ARMC8: variants seen among roughly 807,000 people sequenced by gnomAD.
ARMC8 encodes armadillo repeat-containing protein 8.
Under a neutral mutation model 99.3 loss-of-function variants are expected in ARMC8, and 20 were observed. That is an observed-to-expected ratio of 0.20 (90% CI 0.14 to 0.29). The LOEUF (loss-of-function observed/expected upper bound fraction) is 0.29, where lower values mean the gene tolerates loss of function less well. Among genes scored for constraint, ARMC8 ranks in the 10% least tolerant of loss-of-function variants. The pLI is 1.00. For synonymous variants in ARMC8, 263 were observed against 278.3 expected (o/e 0.95, Z 0.55); for missense variants, 569 against 809.5 (o/e 0.70, Z 3.60).
chr3:138,240,210 T>C (rs1338953055), intron 10 of ARMC8, among the ~76,000 whole-genome samples: 1 of 152,184 alleles, frequency 6.6e-6, no homozygotes, highest in Admixed American at 6.5e-5. Context: ...TACATTAAAA[T>C]GTCTTATTAG....
At chr3:138,210,074 A>G (rs1002984686) in intron 2 of ARMC8, among the ~76,000 whole-genome samples, 181 bp downstream of exon 2, 3 of 152,234 alleles carry the variant, frequency 2.0e-5, no homozygotes, top group South Asian at 4.1e-4. Flanking sequence ...TGTCTTTTGA[A>G]TAGTTGTTAA....
intron 3 of ARMC8, among the ~76,000 whole-genome samples, chr3:138,222,478 A>G (rs2045457097): frequency 6.6e-6 from 1 of 152,182 alleles, no homozygotes; most frequent in Non-Finnish European, 1.5e-5. Flanking sequence ...AGGAAGTTTA[A>G]TTTCTTCTTT....
chr3:138,274,809 A>G (rs2049120015), intron 18 of ARMC8, among the ~76,000 whole-genome samples: 1 of 152,176 alleles, frequency 6.6e-6, no homozygotes, highest in East Asian at 1.9e-4. Context: ...AGGAGCAGTC[A>G]CCTTTCATCA....
At position 138,237,678 on chromosome 3, in the gene ARMC8, A is replaced by G. The variant is rs922218803; in HGVS notation, c.776+106A>G. ...CTTCCAATCCCCATTTTATTTTGAG[A>G]TTTTGAAATTTGAAAGTCAGGAGTC... On this transcript the variant is annotated intron_variant, in intron 9 of 21. Coordinates refer to ENST00000469044, the MANE Select transcript of ARMC8 (RefSeq NM_001363941.2). 8.9e-6 allele frequency: 8 copies of G among 897,920 alleles called. No individual in the cohort carries two copies. In the East Asian group the frequency reaches 2.1e-4, roughly 24 times the overall value. The allele number at this position is 897,920 out of a possible 1,614,324, so 55.6% of individuals were successfully genotyped here.
At chr3:138,210,430 CA>C (rs1240824579) in intron 2 of ARMC8, among the ~76,000 whole-genome samples, 2 of 152,008 alleles carry the variant, frequency 1.3e-5, no homozygotes, top group East Asian at 3.9e-4. Flanking sequence ...AGCAACATAC[CA>C]GAGGTAATTA....
intron 5 of ARMC8, among the ~76,000 whole-genome samples, chr3:138,225,197 C>T (rs957762408): frequency 1.3e-5 from 2 of 151,188 alleles, no homozygotes; most frequent in Admixed American, 6.6e-5. Flanking sequence ...CCTCCGCCTC[C>T]TGAGTTCAAG....
intron 12 of ARMC8, among the ~76,000 whole-genome samples, chr3:138,258,937 C>G (rs2047532219): frequency 6.6e-6 from 1 of 152,190 alleles, no homozygotes; most frequent in African/African-American, 2.4e-5. Context: ...GGCACTGTCT[C>G]TTTTTCTTTT....
chr3:138,273,433 G>A (rs965525055), intron 17 of ARMC8, among the ~76,000 whole-genome samples: 1 of 152,164 alleles, frequency 6.6e-6, no homozygotes, highest in African/African-American at 2.4e-5. Context: ...TGTCCAGGAT[G>A]GATTTTCTCA....
intron 10 of ARMC8, among the ~76,000 whole-genome samples, chr3:138,241,373 C>A (rs1398834168): frequency 3.9e-5 from 6 of 152,202 alleles, no homozygotes; most frequent in African/African-American, 1.2e-4. Context: ...AGATAGCATA[C>A]TTTTCCTAAG....
chr3:138,266,246 A>G (rs762227819), intron 14 of ARMC8, among the ~76,000 whole-genome samples: 6 of 152,092 alleles, frequency 3.9e-5, no homozygotes, highest in Non-Finnish European at 5.9e-5. Context: ...CCTGAACCTC[A>G]TTAAGAGCCC....
intron 12 of ARMC8, chr3:138,262,546 TA>T (rs758028966): frequency 6.2e-7 from 1 of 1,612,632 alleles, no homozygotes; most frequent in South Asian, 1.1e-5. Context: ...CATTTTAGTC[TA>T]GGTCAGTGAT....
intron 1 of ARMC8, among the ~76,000 whole-genome samples, chr3:138,193,878 G>A (rs1455335976): frequency 6.6e-6 from 1 of 152,140 alleles, no homozygotes; most frequent in African/African-American, 2.4e-5. Flanking sequence ...TACGCTCTGT[G>A]AAAGACCCTG....
chr3:138,277,518 C>T (rs920286657), intron 18 of ARMC8, among the ~76,000 whole-genome samples: 3 of 152,100 alleles, frequency 2.0e-5, no homozygotes, highest in African/African-American at 7.2e-5. Flanking sequence ...TGACTTGTGT[C>T]CAGAATATTT....
chr3:138,196,996 A>G (rs1356107530), intron 1 of ARMC8, among the ~76,000 whole-genome samples: 1 of 152,208 alleles, frequency 6.6e-6, no homozygotes, highest in African/African-American at 2.4e-5. Context: ...TTTTTTACCC[A>G]GAGTATGCCA....
chr3:138,273,751 G>A (rs2048997136), intron 17 of ARMC8, among the ~76,000 whole-genome samples: 1 of 149,612 alleles, frequency 6.7e-6, no homozygotes, highest in South Asian at 2.1e-4. Flanking sequence ...GATAGTATTA[G>A]GAAATCTACA....
chr3:138,267,256 T>G lies in ARMC8; in HGVS notation c.1386+15T>G, dbSNP rs1000664605. The G allele has an allele frequency of 1.7e-5, 25 of 1,496,324 alleles. No individual in the cohort carries two copies. The highest frequency in any genetic ancestry group is 2.1e-5 in the Non-Finnish European group (23 of 1,099,678). The allele number at this position is 1,496,324 out of a possible 1,614,324, so 92.7% of individuals were successfully genotyped here. A position where few individuals can be genotyped will look rare whatever the true frequency, so the allele number is the denominator to read the frequency against. On this transcript the variant is annotated intron_variant, in intron 15 of 21. Transcript: ENST00000469044. ...CAAGCAAAGAGGTTAGTATTGATTT[T>G]CTTTTCCTAGACTTTGCCCAGTCCA...
At chr3:138,240,631 T>C (rs1488138370) in intron 10 of ARMC8, among the ~76,000 whole-genome samples, 2 of 152,218 alleles carry the variant, frequency 1.3e-5, no homozygotes, top group Non-Finnish European at 2.9e-5. Flanking sequence ...GGTTGAATTA[T>C]AAAGCTTCTA....
chr3:138,275,776 G>A (rs1181419691), intron 18 of ARMC8, among the ~76,000 whole-genome samples: 1 of 152,082 alleles, frequency 6.6e-6, no homozygotes, highest in Non-Finnish European at 1.5e-5. Flanking sequence ...TTGAATTTGT[G>A]AGCAAAAAGT....
intron 16 of ARMC8, among the ~76,000 whole-genome samples, chr3:138,271,798 C>CTTTTTTTTTTTTTTTTTTTTTTTTTTT (rs776320900): frequency 2.2e-5 from 3 of 136,134 alleles, no homozygotes; most frequent in Admixed American, 7.3e-5. Context: ...TTTTTTCTTT[C>CTTTTTTTTTTTTTTTTTTTTTTTTTTT]TTTTTTTTTT....
Sources: allele counts gnomAD v4.1 joint callset (sites outside exome capture counted in the v4.1 genomes callset), GRCh38; gene constraint gnomAD v4.1.1; transcripts MANE v1.5; gene names NCBI Gene and HGNC (gene_info 2026-07-23, HGNC 2026-07-21).